The following ZNF385D variants were observed in gnomAD, a reference collection of about 807,000 sequenced individuals.
The protein encoded by ZNF385D is zinc finger protein 385D.
Under a neutral mutation model 35.8 loss-of-function variants are expected in ZNF385D, and 15 were observed. That is an observed-to-expected ratio of 0.42 (90% CI 0.28 to 0.64). The LOEUF is 0.64. ZNF385D is among the 30% of genes least tolerant of loss of function. ZNF385D has a pLI of 0.23. For synonymous variants in ZNF385D, 212 were observed against 186.8 expected (o/e 1.13, Z -1.10); for missense variants, 474 against 494.6 (o/e 0.96, Z 0.39).
chr3:22,206,819 A>G (rs546898965), intron 2 of ZNF385D, among the ~76,000 whole-genome samples: 1 of 152,092 alleles, frequency 6.6e-6, no homozygotes, highest in African/African-American at 2.4e-5. Context: ...TCAGAAAAGC[A>G]GAAAAACTTC....
chr3:22,178,049 G>A (rs1694955387), intron 2 of ZNF385D, among the ~76,000 whole-genome samples: 1 of 152,142 alleles, frequency 6.6e-6, no homozygotes, highest in Non-Finnish European at 1.5e-5. Flanking sequence ...AAACATATGT[G>A]TACATGTGTC....
chr3:21,488,930 A>G (rs992691972), intron 4 of ZNF385D, among the ~76,000 whole-genome samples: 2 of 152,146 alleles, frequency 1.3e-5, no homozygotes, highest in Non-Finnish European at 2.9e-5. Flanking sequence ...CTAGTCCCAG[A>G]GGATACCATT....
At chr3:21,773,171 G>A (rs893527035) in intron 3 of ZNF385D, among the ~76,000 whole-genome samples, 3 of 151,946 alleles carry the variant, frequency 2.0e-5, no homozygotes, top group Middle Eastern at 3.4e-3. Flanking sequence ...TAATACCATT[G>A]AACTGTACAG....
At chr3:21,905,912 A>G (rs550084152) in intron 3 of ZNF385D, among the ~76,000 whole-genome samples, 2 of 152,308 alleles carry the variant, frequency 1.3e-5, no homozygotes, top group African/African-American at 4.8e-5. Flanking sequence ...TGTTGTTTTA[A>G]AAAAGATTAA....
At chr3:22,145,623 G>A (rs1170166497) in intron 3 of ZNF385D, among the ~76,000 whole-genome samples, 5 of 152,192 alleles carry the variant, frequency 3.3e-5, no homozygotes, top group Admixed American at 6.5e-5. Context: ...AAATATATGC[G>A]ATTTTGGGGT....
At chr3:21,765,826 A>C in intron 3 of ZNF385D, among the ~76,000 whole-genome samples, 1 of 152,054 alleles carries the variant, frequency 6.6e-6, no homozygotes, top group South Asian at 2.1e-4. Context: ...GGTTAATTCA[A>C]AAGTTTCTTT....
At chr3:21,679,609 A>G (rs541906136) in intron 1 of ZNF385D, among the ~76,000 whole-genome samples, 6 of 152,190 alleles carry the variant, frequency 3.9e-5, no homozygotes, top group African/African-American at 1.4e-4. Context: ...CATTAATACT[A>G]TTAGGTACCT....
intron 3 of ZNF385D, among the ~76,000 whole-genome samples, chr3:21,793,801 G>A (rs538431235): frequency 6.6e-6 from 1 of 152,342 alleles, no homozygotes; most frequent in African/African-American, 2.4e-5. Context: ...AAAACAGCTT[G>A]ACCAGGATGC....
At chr3:21,456,451 C>G (rs9819691) in intron 4 of ZNF385D, among the ~76,000 whole-genome samples, 1 of 151,984 alleles carries the variant, frequency 6.6e-6, no homozygotes, top group African/African-American at 2.4e-5. Context: ...ATGGATGAAG[C>G]TGGAAACCAT....
chr3:21,979,491 T>A (rs1402325385), intron 3 of ZNF385D: 1 of 152,176 alleles, frequency 6.6e-6, no homozygotes, highest in Non-Finnish European at 1.5e-5. Context: ...AAGTAAGTTT[T>A]CCTCTAACAA....
Position 21,790,563 on chromosome 3 carries a change from T to A in ZNF385D, c.326-125535A>T, listed in dbSNP as rs76856616. 6.9e-4 allele frequency among the ~76,000 whole-genome samples: 105 copies of A among 152,224 alleles called. 1 individual carries two copies. The East Asian group carries it at 0.019, about 28-fold the overall frequency. On this transcript the variant is annotated intron_variant, in intron 3 of 5. Coordinates refer to the ZNF385D transcript ENST00000494108. The stretch of plus-strand genomic sequence containing the variant: ...GAAGAAAATGTCATTCCTTTATCAG[T>A]TCTCTAGGGCACAGAAGATGTGCAG...
chr3:21,725,231 G>A lies in ZNF385D; in HGVS notation c.22+25664C>T, dbSNP rs561053628. The stretch of plus-strand genomic sequence containing the variant: ...ACTAGAAGCCCACAAGAAAAAGCAG[G>A]AAAGATCCAAAATCAACACCCTAAC... On this transcript the variant is annotated intron_variant, in intron 1 of 7. Transcript: ENST00000281523. Among the ~76,000 whole-genome samples, 4 of 152,196 alleles carry A rather than the reference G, an allele frequency of 2.6e-5. No homozygotes were observed. In the South Asian group the frequency reaches 8.3e-4, roughly 32 times the overall value.
At chr3:22,327,230 G>T (rs1234928905) in intron 2 of ZNF385D, among the ~76,000 whole-genome samples, 1 of 152,004 alleles carries the variant, frequency 6.6e-6, no homozygotes, top group East Asian at 1.9e-4. Flanking sequence ...TGGTAGCCAG[G>T]AACATTAAAC....
intron 3 of ZNF385D, among the ~76,000 whole-genome samples, chr3:21,975,718 T>TAC (rs1249941363): frequency 4.5e-4 from 2 of 4,420 alleles, no homozygotes; most frequent in Non-Finnish European, 1.3e-3. Context: ...TATATATATA[T>TAC]ATATATATAT....
intron 2 of ZNF385D, among the ~76,000 whole-genome samples, chr3:22,311,807 C>T (rs1488108986): frequency 6.6e-6 from 1 of 151,956 alleles, no homozygotes; most frequent in African/African-American, 2.4e-5. Flanking sequence ...ATAAATTGAG[C>T]CAATTTTTAC....
At chr3:21,564,890 G>T (rs1310425066) in intron 2 of ZNF385D, among the ~76,000 whole-genome samples, 1 of 152,074 alleles carries the variant, frequency 6.6e-6, no homozygotes, top group Non-Finnish European at 1.5e-5. Context: ...ATAAGGAAAT[G>T]ATAAATTTAC....
At chr3:22,023,660 C>T (rs1559857230) in intron 3 of ZNF385D, among the ~76,000 whole-genome samples, 1 of 148,394 alleles carries the variant, frequency 6.7e-6, no homozygotes, top group East Asian at 2.0e-4. Flanking sequence ...CAAAGCAATG[C>T]TTTTTTTTTT....
rs944589758 is a variant in ZNF385D at position 22,156,441 on chromosome 3, GGATT to G, written c.325+12372_325+12375del. On this transcript the variant is annotated intron_variant, in intron 3 of 5. Coordinates refer to the ZNF385D transcript ENST00000494108. Reference sequence around the variant, plus strand: ...CTCTTCAAATTAACTGCAATGCTCAGGATTGATTCACAACCACCAGAGCTAGGTT... The same window carrying G: ...CTCTTCAAATTAACTGCAATGCTCAGGATTCACAACCACCAGAGCTAGGTT... 2.6e-5 allele frequency among the ~76,000 whole-genome samples: 4 copies of G among 152,154 alleles called. No individual in the cohort carries two copies. In the East Asian group the frequency reaches 7.8e-4, roughly 30 times the overall value.
At chr3:22,177,630 T>C (rs1173540760) in intron 2 of ZNF385D, among the ~76,000 whole-genome samples, 1 of 152,184 alleles carries the variant, frequency 6.6e-6, no homozygotes, top group Non-Finnish European at 1.5e-5. Context: ...AAGTGCACAA[T>C]GTGCAGGTTT....
Sources: allele counts gnomAD v4.1 joint callset (sites outside exome capture counted in the v4.1 genomes callset), GRCh38; gene constraint gnomAD v4.1.1; transcripts MANE v1.5; gene names NCBI Gene and HGNC (gene_info 2026-07-23, HGNC 2026-07-21).